SLC14A2: variants seen among roughly 807,000 people sequenced by gnomAD.
The protein encoded by SLC14A2 is solute carrier family 14 member 2, also known as urea transporter 2.
SLC14A2 carries 91 observed loss-of-function variants against 104.6 expected under a neutral mutation model. The observed-to-expected ratio is 0.87, with a 90% CI of 0.73 to 1.04. The LOEUF is 1.04. SLC14A2 is among the 50% of genes least tolerant of loss of function. The pLI, the probability that SLC14A2 is intolerant of heterozygous loss-of-function variation, is 0.00. For missense variants in SLC14A2, 1,189 were observed against 1,156.0 expected, an observed-to-expected ratio of 1.03 and a Z score of -0.41; for synonymous variants, 476 against 466.4, an observed-to-expected ratio of 1.02 and a Z score of -0.27.
the SLC14A2 span, among the ~76,000 whole-genome samples, chr18:45,202,549 A>G: frequency 6.6e-6 from 1 of 152,140 alleles, no homozygotes; most frequent in Non-Finnish European, 1.5e-5. Flanking sequence ...TTTTGTGATA[A>G]TCATAGCAAA....
intron 2 of SLC14A2, among the ~76,000 whole-genome samples, chr18:45,603,582 C>T (rs2044822310): frequency 6.6e-6 from 1 of 152,086 alleles, no homozygotes; most frequent in Admixed American, 6.6e-5. Context: ...AAACTGAAAC[C>T]ATTATAACTA....
At chr18:45,227,923 G>A (rs1303631460) in intron 1 of SLC14A2, among the ~76,000 whole-genome samples, 3 of 152,288 alleles carry the variant, frequency 2.0e-5, no homozygotes, top group Admixed American at 1.3e-4. Flanking sequence ...CTTGGAGCTG[G>A]ATTTCATTGC....
the SLC14A2 span, among the ~76,000 whole-genome samples, chr18:45,182,286 AAGAT>A: frequency 2.6e-5 from 4 of 152,028 alleles, no homozygotes; most frequent in East Asian, 3.8e-4. Flanking sequence ...TCAGGAAAAA[AAGAT>A]AGGATAAGAG....
In SLC14A2 at chr18:45,641,252, C is replaced by T. The variant is rs1350963576; in HGVS notation, c.1035C>T (p.Leu345=). 1 of 1,614,202 alleles carries T rather than the reference C, an allele frequency of 6.2e-7. No homozygotes were observed. Among genetic ancestry groups the T allele is most frequent in the Non-Finnish European group, 8.5e-7 (1 of 1,180,024 alleles). Residue 345 remains leucine (L), a synonymous_variant, in exon 8 of 20, where the codon CTC becomes CTT. Coordinates refer to ENST00000255226, the MANE Select transcript of SLC14A2 (RefSeq NM_007163.4). ...ATPFETIYTG[L]WSYNCVLSCI... ...CCTTCGAGACCATCTACACAGGCCT[C>T]TGGAGCTACAACTGCGTCCTCTCCT...
In SLC14A2 at chr18:45,562,762, G is replaced by A. The variant is rs748163940; in HGVS notation, c.-34-61869G>A. 2.6e-5 allele frequency among the ~76,000 whole-genome samples: 4 copies of A among 152,154 alleles called. 1 individual carries two copies. Among genetic ancestry groups the A allele is most frequent in the African/African-American group, 7.2e-5 (3 of 41,424 alleles). ...TTAGGGATGCTGAGCTCTGGCCCCC[G>A]GAGAGGAGGGAGGGAAGGAAAAAAT... is the stretch of plus-strand genomic sequence containing the variant. On this transcript the variant is annotated intron_variant, in intron 2 of 20. Transcript: ENST00000586448.
At chr18:45,503,434 C>A (rs2043230476) in intron 2 of SLC14A2, among the ~76,000 whole-genome samples, 1 of 152,178 alleles carries the variant, frequency 6.6e-6, no homozygotes, top group Non-Finnish European at 1.5e-5. Flanking sequence ...ACAAATCACA[C>A]CAACGTGACT....
At chr18:45,331,021 A>G (rs1344176942) in intron 1 of SLC14A2, among the ~76,000 whole-genome samples, 1 of 152,250 alleles carries the variant, frequency 6.6e-6, no homozygotes, top group South Asian at 2.1e-4. Flanking sequence ...CCCAAGGAAC[A>G]TAAGAAAATA....
Position 45,569,721 on chromosome 18 carries a change from A to G in SLC14A2, c.-34-54910A>G, listed in dbSNP as rs141410929. 9.2e-5 allele frequency among the ~76,000 whole-genome samples: 14 copies of G among 152,316 alleles called. No individual in the cohort carries two copies. The East Asian group carries it at 2.7e-3, about 29-fold the overall frequency. On this transcript the variant is annotated intron_variant, in intron 2 of 20. Transcript: ENST00000586448. ...GCAAAGTTAGCTGGCTCATTAAATAATCTGTCTACCAAGAGTGTGAGTCCA... is the reference window on the plus strand; with the variant it reads ...GCAAAGTTAGCTGGCTCATTAAATAGTCTGTCTACCAAGAGTGTGAGTCCA...
chr18:45,180,238 C>T, the SLC14A2 span, among the ~76,000 whole-genome samples: 6 of 152,112 alleles, frequency 3.9e-5, no homozygotes, highest in East Asian at 1.9e-4. Context: ...CTGTTGCTAA[C>T]GAGTCATGTG....
intron 2 of SLC14A2, among the ~76,000 whole-genome samples, chr18:45,508,890 G>A (rs2043324989): frequency 6.6e-6 from 1 of 152,200 alleles, no homozygotes; most frequent in Admixed American, 6.5e-5. Flanking sequence ...CATGTAAACA[G>A]AATTACAAAT....
chr18:45,176,659 C>T, the SLC14A2 span, among the ~76,000 whole-genome samples: 7 of 152,268 alleles, frequency 4.6e-5, 1 homozygote, highest in African/African-American at 1.7e-4. Context: ...TCCAGAAGCC[C>T]CCTCTTCCTG....
At chr18:45,634,029 C>T (rs1042780218) in intron 5 of SLC14A2, among the ~76,000 whole-genome samples, 1 of 152,170 alleles carries the variant, frequency 6.6e-6, no homozygotes, top group African/African-American at 2.4e-5. Context: ...AACACAGCTC[C>T]TCAACCACAT....
In SLC14A2 at chr18:45,414,951, G is replaced by A. The variant is rs553529700; in HGVS notation, c.-124-68282G>A. Among the ~76,000 whole-genome samples the A allele has an allele frequency of 1.6e-3, 248 of 151,468 alleles. 2 individuals carry two copies. The highest frequency in any genetic ancestry group is 3.4e-3 in the Middle Eastern group (1 of 294). On this transcript the variant is annotated intron_variant, in intron 1 of 20. Coordinates refer to the SLC14A2 transcript ENST00000586448. ...TCAGCAGAGTCCGATCAGCTTCTTT[G>A]CATGAAAGTCTACATGTTTAACCTC...
intron 10 of SLC14A2, among the ~76,000 whole-genome samples, chr18:45,653,527 A>G (rs1279776544): frequency 1.3e-5 from 2 of 152,088 alleles, no homozygotes; most frequent in Non-Finnish European, 2.9e-5. Flanking sequence ...CATCATACTC[A>G]CAAAGCCAAA....
At chr18:45,542,074 C>CTTTTTTTTTTTTTTTTTTTTTTTTTTTT (rs1598983649) in intron 2 of SLC14A2, 3 of 51,972 alleles carry the variant, frequency 5.8e-5, no homozygotes, top group Non-Finnish European at 6.9e-5. Context: ...TTTTTTTTTG[C>CTTTTTTTTTTTTTTTTTTTTTTTTTTTT]TTTTGAGTTT....
At chr18:45,171,429 T>C in the SLC14A2 span, among the ~76,000 whole-genome samples, 1 of 152,136 alleles carries the variant, frequency 6.6e-6, no homozygotes, top group African/African-American at 2.4e-5. Flanking sequence ...TAGTCTAGAA[T>C]TAAGAGCTTA....
At chr18:45,462,795 T>G (rs2087069350) in intron 1 of SLC14A2, among the ~76,000 whole-genome samples, 1 of 152,162 alleles carries the variant, frequency 6.6e-6, no homozygotes, top group Admixed American at 6.5e-5. Flanking sequence ...TTTTAACATC[T>G]TTGGACTTTA....
At chr18:45,569,751 G>A (rs1003981249) in intron 2 of SLC14A2, among the ~76,000 whole-genome samples, 21 of 152,112 alleles carry the variant, frequency 1.4e-4, no homozygotes, top group African/African-American at 3.9e-4. Context: ...AGTCCACACC[G>A]ATAACCACTC....
At chr18:45,444,115 C>T (rs2086726381) in intron 1 of SLC14A2, among the ~76,000 whole-genome samples, 1 of 152,180 alleles carries the variant, frequency 6.6e-6, no homozygotes, top group African/African-American at 2.4e-5. Context: ...CTCTGTGGAA[C>T]CATCAGCAAT....
Sources: allele counts gnomAD v4.1 joint callset (sites outside exome capture counted in the v4.1 genomes callset), GRCh38; gene constraint gnomAD v4.1.1; transcripts MANE v1.5; gene names NCBI Gene and HGNC (gene_info 2026-07-23, HGNC 2026-07-21).